EEFSEC: variants seen among roughly 807,000 people sequenced by gnomAD.
The protein encoded by EEFSEC is selenocysteine-specific elongation factor.
EEFSEC carries 43 observed loss-of-function variants against 42.1 expected under a neutral mutation model. The observed-to-expected ratio is 1.02, with a 90% CI of 0.80 to 1.32. The LOEUF (loss-of-function observed/expected upper bound fraction) is 1.32. EEFSEC is among the 40% of genes most tolerant of loss of function. The pLI is 0.00. For missense variants in EEFSEC, 745 were observed against 803.6 expected (o/e 0.93, Z 0.88); for synonymous variants, 354 against 339.1 (o/e 1.04, Z -0.48).
chr3:128,166,755 C>T (rs1022626288), intron 1 of EEFSEC, among the ~76,000 whole-genome samples: 1 of 152,000 alleles, frequency 6.6e-6, no homozygotes, highest in Admixed American at 6.5e-5. Flanking sequence ...CCTCCTTCAC[C>T]TGCCTCTGGA....
At chr3:128,334,929 C>T (rs1478308307) in intron 4 of EEFSEC, among the ~76,000 whole-genome samples, 1 of 152,244 alleles carries the variant, frequency 6.6e-6, no homozygotes, top group African/African-American at 2.4e-5. Context: ...ACTGCGTACC[C>T]CGCCTGGGAC....
intron 2 of EEFSEC, among the ~76,000 whole-genome samples, chr3:128,259,662 G>A (rs2955097): frequency 1.3e-5 from 2 of 152,134 alleles, no homozygotes; most frequent in Admixed American, 6.5e-5. Flanking sequence ...TTCTCTGTGC[G>A]CCACCAGCCT....
At chr3:128,351,700 G>A (rs763535624) in intron 5 of EEFSEC, among the ~76,000 whole-genome samples, 4 of 152,172 alleles carry the variant, frequency 2.6e-5, no homozygotes, top group Non-Finnish European at 4.4e-5. Context: ...TATATGCACC[G>A]GCAGCCAAGT....
chr3:128,365,681 G>A (rs771632406), intron 6 of EEFSEC, among the ~76,000 whole-genome samples: 3 of 152,202 alleles, frequency 2.0e-5, no homozygotes, highest in Non-Finnish European at 4.4e-5. Context: ...ACAGAGCACT[G>A]GGAAACGATG....
rs1038991994 is a variant in EEFSEC, at chr3:128,398,601, G to A, written c.1601-9468G>A. On this transcript the variant is annotated intron_variant, in intron 6 of 6. Coordinates refer to ENST00000254730, the MANE Select transcript of EEFSEC (RefSeq NM_021937.5). The stretch of plus-strand genomic sequence containing the variant: ...CTGGCCACTCATGTGCAGGAGCCCC[G>A]TGTCCGGGCCCTGGGGCAGGGACCT... Among the ~76,000 whole-genome samples the A allele has an allele frequency of 7.9e-5, 12 of 152,246 alleles. No individual in the cohort carries two copies. In the South Asian group the frequency reaches 8.3e-4, roughly 11 times the overall value.
intron 4 of EEFSEC, among the ~76,000 whole-genome samples, chr3:128,311,424 T>C (rs1181788397): frequency 6.6e-6 from 1 of 152,228 alleles, no homozygotes; most frequent in African/African-American, 2.4e-5. Context: ...GGAAGGATTT[T>C]AGCTCCACAG....
intron 4 of EEFSEC, among the ~76,000 whole-genome samples, chr3:128,300,337 C>G (rs1037029086): frequency 6.6e-6 from 1 of 152,142 alleles, no homozygotes; most frequent in Non-Finnish European, 1.5e-5. Context: ...GGCGAGGTGG[C>G]TCACGCCTGT....
chr3:128,352,967 T>C (rs1200800947), intron 5 of EEFSEC, among the ~76,000 whole-genome samples: 1 of 152,232 alleles, frequency 6.6e-6, no homozygotes, highest in East Asian at 1.9e-4. Flanking sequence ...TCTTATTCTA[T>C]TGTCTCCAGT....
chr3:128,185,825 A>G (rs2065459349), intron 1 of EEFSEC, among the ~76,000 whole-genome samples: 1 of 152,226 alleles, frequency 6.6e-6, no homozygotes. Flanking sequence ...TACCACATTT[A>G]AAGAATCCAT....
intron 1 of EEFSEC, among the ~76,000 whole-genome samples, chr3:128,181,144 C>T (rs925856562): frequency 2.4e-4 from 37 of 152,108 alleles, no homozygotes; most frequent in Non-Finnish European, 2.9e-4. Flanking sequence ...TCAGCCTGGG[C>T]GTGAGTGGGT....
At chr3:128,343,416 C>T (rs1008550064) in intron 5 of EEFSEC, among the ~76,000 whole-genome samples, 1 of 152,162 alleles carries the variant, frequency 6.6e-6, no homozygotes, top group Non-Finnish European at 1.5e-5. Context: ...GCAACCCCTT[C>T]CTCTCCCTTC....
In EEFSEC at chr3:128,279,170, A is replaced by G. The variant is rs549123787; in HGVS notation, c.786+14389A>G. ...GCGGCGGCGTTGGGCAGTGGCGGCC[A>G]TCTCCCGCCCAGCTTAGTACAGCCC... is the stretch of plus-strand genomic sequence containing the variant. On this transcript the variant is annotated intron_variant, in intron 4 of 6. Coordinates refer to ENST00000254730, the MANE Select transcript of EEFSEC (RefSeq NM_021937.5). Among the ~76,000 whole-genome samples, 407 of 152,302 alleles carry G rather than the reference A, an allele frequency of 2.7e-3. 1 individual carries two copies. Among genetic ancestry groups the G allele is most frequent in the Non-Finnish European group, 5.1e-3 (344 of 68,020 alleles).
At chr3:128,307,044 G>T (rs1242256642) in intron 4 of EEFSEC, among the ~76,000 whole-genome samples, 2 of 152,244 alleles carry the variant, frequency 1.3e-5, no homozygotes, top group Non-Finnish European at 2.9e-5. Flanking sequence ...ACTGCAGGGG[G>T]CTCAAGGGTC....
At chr3:128,402,301 A>AT (rs1464422831) in intron 6 of EEFSEC, among the ~76,000 whole-genome samples, 1 of 152,100 alleles carries the variant, frequency 6.6e-6, no homozygotes, top group African/African-American at 2.4e-5. Flanking sequence ...TGATTGCTGC[A>AT]TTTTTTTTGA....
downstream of EEFSEC, among the ~76,000 whole-genome samples, chr3:128,409,799 C>CT (rs1042574912): frequency 1.3e-5 from 2 of 152,244 alleles, no homozygotes; most frequent in Non-Finnish European, 2.9e-5. Context: ...TCCCTGGGGC[C>CT]TGACCCCACT....
At chr3:128,176,869 T>C (rs2065353281) in intron 1 of EEFSEC, among the ~76,000 whole-genome samples, 1 of 152,086 alleles carries the variant, frequency 6.6e-6, no homozygotes, top group Admixed American at 6.6e-5. Context: ...GACCACTATT[T>C]TACTACTGAT....
rs553554019 is a variant in EEFSEC, at chr3:128,350,141, G to A, written c.1444-8076G>A. ...ATCAGGAGCACTCGCCAGCTTTGAA[G>A]TCTGAAGCGGCGCTGCCTCCTGGCT... On this transcript the variant is annotated intron_variant, in intron 5 of 6. Transcript: ENST00000254730. 6.6e-4 allele frequency among the ~76,000 whole-genome samples: 101 copies of A among 152,384 alleles called. No homozygotes were observed. In the South Asian group the frequency reaches 0.012, roughly 18 times the overall value.
intron 6 of EEFSEC, among the ~76,000 whole-genome samples, chr3:128,378,703 G>A (rs574192663): frequency 2.2e-4 from 34 of 152,314 alleles, no homozygotes; most frequent in African/African-American, 7.9e-4. Context: ...TCCTGTGCCT[G>A]ACACCCCCAG....
chr3:128,312,336 G>A (rs559930138), intron 4 of EEFSEC, among the ~76,000 whole-genome samples: 141 of 152,328 alleles, frequency 9.3e-4, no homozygotes, highest in African/African-American at 3.1e-3. Context: ...CAGGGTCCCC[G>A]CTGCTGCCCC....
Sources: gnomAD v4.1 joint callset for allele counts (sites outside exome capture counted in the v4.1 genomes callset) on GRCh38, gnomAD v4.1.1 for gene constraint, MANE v1.5 for transcripts, NCBI Gene and HGNC (gene_info 2026-07-23, HGNC 2026-07-21) for gene names.